COMMD10: variants seen among roughly 807,000 people sequenced by gnomAD.
COMMD10 encodes the protein COMM domain containing 10, also known as COMM domain-containing protein 10.
In COMMD10, 33 loss-of-function variants were observed where a neutral mutation model predicts 28.9. The ratio of observed to expected loss-of-function variants is 1.14; its 90% CI spans 0.87 to 1.53. COMMD10 has a LOEUF of 1.53. Ranked by LOEUF, COMMD10 falls within the 40% of genes most tolerant of loss-of-function variation. COMMD10 has a pLI of 0.00. For synonymous variants in COMMD10, 110 were observed against 81.7 expected (o/e 1.35, Z -1.87); for missense variants, 310 against 233.4 (o/e 1.33, Z -2.14).
chr5:116,183,707 T>C (rs2112600098), intron 5 of COMMD10, among the ~76,000 whole-genome samples: 1 of 152,246 alleles, frequency 6.6e-6, no homozygotes, highest in African/African-American at 2.4e-5. Context: ...TAATAAATAC[T>C]TTCTGAATGA....
rs1050935730 is a variant in COMMD10 at position 116,273,845 on chromosome 5, T to C, written c.511-17672T>C. ...AATATAATACTTGGAACTAAAGTCA[T>C]CATTCAAAAAAGGCATTTATTATTA... On this transcript the variant is annotated intron_variant, in intron 5 of 6. Transcript: ENST00000274458. Among the ~76,000 whole-genome samples, 19 of 151,704 alleles carry C rather than the reference T, an allele frequency of 1.3e-4. 1 individual carries two copies. The highest frequency in any genetic ancestry group is 4.1e-4 in the African/African-American group (17 of 41,094).
intron 5 of COMMD10, among the ~76,000 whole-genome samples, chr5:116,215,248 G>A (rs1205493125): frequency 1.3e-5 from 2 of 151,954 alleles, no homozygotes; most frequent in African/African-American, 2.4e-5. Flanking sequence ...GAAATGAATA[G>A]TTGTATAGTC....
chr5:116,085,955 G>A (rs1185728658), intron 1 of COMMD10, among the ~76,000 whole-genome samples: 1 of 152,206 alleles, frequency 6.6e-6, no homozygotes, highest in African/African-American at 2.4e-5. Context: ...CAAAGAACTG[G>A]AGAAGACGCA....
chr5:116,249,321 G>C (rs1014282773), intron 5 of COMMD10, among the ~76,000 whole-genome samples: 1 of 151,780 alleles, frequency 6.6e-6, no homozygotes, highest in Admixed American at 6.6e-5. Flanking sequence ...TTCATCTGTT[G>C]GATATCTGGA....
chr5:116,155,629 A>G (rs1209905194), intron 5 of COMMD10, among the ~76,000 whole-genome samples: 1 of 152,110 alleles, frequency 6.6e-6, no homozygotes. Flanking sequence ...GAATGTGACT[A>G]TATTGGTTTA....
chr5:116,106,123 G>A (rs1378492249), intron 4 of COMMD10, among the ~76,000 whole-genome samples: 1 of 150,330 alleles, frequency 6.7e-6, no homozygotes, highest in Non-Finnish European at 1.5e-5. Flanking sequence ...TGGGCATTTA[G>A]TGCTATAAAT....
intron 5 of COMMD10, among the ~76,000 whole-genome samples, chr5:116,176,314 A>G (rs1753509579): frequency 6.6e-6 from 1 of 152,148 alleles, no homozygotes; most frequent in South Asian, 2.1e-4. Flanking sequence ...AGCGTTTGCC[A>G]GGCTGACTAG....
intron 5 of COMMD10, among the ~76,000 whole-genome samples, chr5:116,183,659 A>G (rs1374316812): frequency 6.6e-6 from 1 of 152,160 alleles, no homozygotes; most frequent in Non-Finnish European, 1.5e-5. Context: ...TCACCAATAT[A>G]TTCACTGCAC....
chr5:116,278,874 T>A (rs537298413), intron 5 of COMMD10, among the ~76,000 whole-genome samples: 1 of 151,966 alleles, frequency 6.6e-6, no homozygotes, highest in African/African-American at 2.4e-5. Context: ...ACAAGACTTA[T>A]AAGACCTGTA....
chr5:116,172,194 C>T (rs1015588435), intron 5 of COMMD10, among the ~76,000 whole-genome samples: 2 of 151,988 alleles, frequency 1.3e-5, no homozygotes, highest in African/African-American at 4.8e-5. Flanking sequence ...TTACCAGCTG[C>T]TATTTTTATG....
Position 116,292,640 on chromosome 5 carries a change from T to C in COMMD10, c.*151T>C, listed in dbSNP as rs1751399867. ...CACTTCTTAGACAAATAACAACCAA[T>C]AGAGATCATTGTTAAGAATACTGAG... On this transcript the variant is annotated 3_prime_UTR_variant, in exon 7 of 7. Transcript: ENST00000274458. 2.0e-6 allele frequency: 1 copy of C among 510,180 alleles called. No homozygotes were observed. The allele number at this position is 510,180 out of a possible 1,614,324, so 31.6% of individuals were successfully genotyped here. A position where few individuals can be genotyped will look rare whatever the true frequency, so the allele number is the denominator to read the frequency against.
chr5:116,108,531 G>T (rs745320976), intron 4 of COMMD10, among the ~76,000 whole-genome samples: 39 of 152,220 alleles, frequency 2.6e-4, no homozygotes, highest in Admixed American at 2.2e-3. Context: ...AATGGCGGAC[G>T]CCTGTCCCTC....
intron 4 of COMMD10, among the ~76,000 whole-genome samples, chr5:116,101,682 C>T (rs970519549): frequency 4.6e-5 from 7 of 152,216 alleles, no homozygotes; most frequent in Non-Finnish European, 8.8e-5. Flanking sequence ...GCCTCAGCCT[C>T]CCAAAGTGTG....
At chr5:116,275,811 A>G (rs984308687) in intron 5 of COMMD10, among the ~76,000 whole-genome samples, 3 of 151,810 alleles carry the variant, frequency 2.0e-5, no homozygotes, top group Admixed American at 6.6e-5. Context: ...CATAAGGCAT[A>G]AACTGCTAAT....
chr5:116,264,589 C>G (rs1161059482), intron 5 of COMMD10, among the ~76,000 whole-genome samples: 4 of 151,884 alleles, frequency 2.6e-5, no homozygotes, highest in African/African-American at 4.9e-5. Flanking sequence ...AATTTGAAAA[C>G]AGAAGCCTGA....
chr5:116,151,528 T>C (rs1221104598), intron 5 of COMMD10, among the ~76,000 whole-genome samples: 3 of 152,218 alleles, frequency 2.0e-5, no homozygotes, highest in Admixed American at 6.5e-5. Context: ...ATTGCCACAA[T>C]TTCAGAGCCT....
At chr5:116,251,567 G>C (rs544637068) in intron 5 of COMMD10, among the ~76,000 whole-genome samples, 2 of 150,430 alleles carry the variant, frequency 1.3e-5, no homozygotes, top group African/African-American at 4.9e-5. Flanking sequence ...TCTTGCGATA[G>C]TTTACTGAGA....
intron 5 of COMMD10, among the ~76,000 whole-genome samples, chr5:116,246,915 G>A (rs182220493): frequency 2.0e-5 from 3 of 152,014 alleles, no homozygotes; most frequent in African/African-American, 2.4e-5. Context: ...ACAATGGCAC[G>A]GGCAAAGATT....
intron 4 of COMMD10, among the ~76,000 whole-genome samples, chr5:116,096,875 T>C (rs747005503): frequency 1.1e-4 from 17 of 152,140 alleles, no homozygotes; most frequent in Non-Finnish European, 2.2e-4. Context: ...TTTGTTTCCC[T>C]GCAATTCTTT....
Sources: allele counts gnomAD v4.1 joint callset (sites outside exome capture counted in the v4.1 genomes callset), GRCh38; gene constraint gnomAD v4.1.1; transcripts MANE v1.5; gene names NCBI Gene and HGNC (gene_info 2026-07-23, HGNC 2026-07-21).